The following CTCFL variants were observed in gnomAD, a reference collection of about 807,000 sequenced individuals.
CTCFL encodes transcriptional repressor CTCFL.
Under a neutral mutation model 67.4 loss-of-function variants are expected in CTCFL, and 36 were observed. The observed-to-expected ratio is 0.53, with a 90% confidence interval of 0.41 to 0.71. The LOEUF is 0.71. Among genes scored for constraint, CTCFL ranks in the 30% least tolerant of loss-of-function variants. The pLI is 0.00. For missense variants in CTCFL, 786 were observed against 835.2 expected, an observed-to-expected ratio of 0.94 and a Z score of 0.73; for synonymous variants, 324 against 302.3, an observed-to-expected ratio of 1.07 and a Z score of -0.75.
At chr20:57,523,344 T>A in intron 2 of CTCFL, 66 bp from the exon 3 acceptor site, 1 of 1,434,860 alleles carries the variant, frequency 7.0e-7, no homozygotes. Flanking sequence ...TTTGCCTGGA[T>A]GAAGCACAGA....
Position 57,503,770 on chromosome 20 carries a change from G to A in CTCFL, c.1675-169C>T, listed in dbSNP as rs537823137. On this transcript the variant is annotated intron_variant, in intron 9 of 10. Coordinates refer to ENST00000243914, the MANE Select transcript of CTCFL (RefSeq NM_001386993.1). ...AAGAAGTAAATAAGCAACTTGATAA[G>A]CAAGAAGGTAATAGGAGGCCAGGCA... Among the ~76,000 whole-genome samples the A allele has an allele frequency of 2.0e-5, 3 of 152,136 alleles. No individual in the cohort carries two copies. The East Asian group carries it at 5.8e-4, about 29-fold the overall frequency.
intron 9 of CTCFL, among the ~76,000 whole-genome samples, chr20:57,504,527 C>T (rs2068095096): frequency 6.6e-6 from 1 of 151,808 alleles, no homozygotes; most frequent in Non-Finnish European, 1.5e-5. Flanking sequence ...AGTGATCCAC[C>T]TGCCTTGGCC....
intron 5 of CTCFL, among the ~76,000 whole-genome samples, chr20:57,516,131 A>G (rs2068902660): frequency 1.3e-5 from 2 of 152,168 alleles, no homozygotes; most frequent in African/African-American, 2.4e-5. Context: ...GCCATACAAG[A>G]TTTTGTTTTC....
In CTCFL at chr20:57,523,125, C is replaced by T. The variant is rs200602115; in HGVS notation, c.697G>A (p.Ala233Thr). 44 of 1,613,910 alleles carry T rather than the reference C, an allele frequency of 2.7e-5. No homozygotes were observed. The highest frequency in any genetic ancestry group is 3.6e-5 in the Non-Finnish European group (42 of 1,180,028). Residue 233 changes from alanine (A) to threonine (T), a missense_variant, in exon 3 of 11, where the codon GCT becomes ACT. Coordinates refer to ENST00000243914, the MANE Select transcript of CTCFL (RefSeq NM_001386993.1). ...NVEEQEDQPTAGQADAEKAKS... is the reference protein window; with the variant it reads ...NVEEQEDQPTTGQADAEKAKS... ...GCCTTTTCAGCATCTGCTTGACCAG[C>T]TGTAGGTTGATCCTCTTGTTCTTCC...
At position 57,515,952 on chromosome 20, in the gene CTCFL, A is replaced by G. The variant is rs151260829; in HGVS notation, c.1060-118T>C. The G allele has an allele frequency of 6.2e-4, 720 of 1,164,308 alleles. 2 individuals are homozygous for G. In the African/African-American group the frequency reaches 0.011, roughly 17 times the overall value. 72.1% of individuals were successfully genotyped at this position (1,164,308 alleles called of 1,614,324 possible). A position where few individuals can be genotyped will look rare whatever the true frequency, so the allele number is the denominator to read the frequency against. Reference sequence around the variant, plus strand: ...TCATATTTTAACATCAGAGCACCAGAGCATATTTCACTCACTGAAAAAACA... The same window carrying G: ...TCATATTTTAACATCAGAGCACCAGGGCATATTTCACTCACTGAAAAAACA... On this transcript the variant is annotated intron_variant, in intron 5 of 10. Transcript: ENST00000243914.
intron 5 of CTCFL, among the ~76,000 whole-genome samples, chr20:57,516,107 CCTACCTGCCA>C (rs2068900537): frequency 6.6e-6 from 1 of 152,172 alleles, no homozygotes; most frequent in South Asian, 2.1e-4. Context: ...TCACTTTAAG[CCTACCTGCCA>C]AATGCCATAC....
intron 10 of CTCFL, chr20:57,500,333 T>A: frequency 6.8e-6 from 3 of 438,154 alleles, no homozygotes; most frequent in Non-Finnish European, 1.1e-5. Context: ...CGGGCATCTG[T>A]AATCCCAGCT....
At chr20:57,514,548 G>C in intron 7 of CTCFL, 44 bp downstream of exon 7, 2 of 1,605,568 alleles carry the variant, frequency 1.2e-6, no homozygotes, top group Non-Finnish European at 1.7e-6. Context: ...GCTCCAAAGA[G>C]CCAGCAAATG....
chr20:57,503,580 C>T lies in CTCFL; in HGVS notation c.1696G>A (p.Glu566Lys), dbSNP rs774776406. The change falls in exon 10 of 11, where the codon GAG becomes AAG. Residue 566 changes from glutamate to lysine, a missense_variant. Glu to Lys is a moderately conservative substitution (Grantham distance 56, BLOSUM62 1). This residue lies in a region of CTCFL where 199 missense variants were observed against 196.7 expected (regional missense o/e 1.01). Transcript: ENST00000243914. ...TTTGCTTCCCCTGATCCACACTTCTCCGAATGTCTGTGCAGGTTAATCTGT... is the reference window on the plus strand; with the variant it reads ...TTTGCTTCCCCTGATCCACACTTCTTCGAATGTCTGTGCAGGTTAATCTGT... Reference protein sequence around the residue: ...SRWINLHRHSEKCGSGEAKSA... With the variant: ...SRWINLHRHSKKCGSGEAKSA... 1 of 1,614,152 alleles carries T rather than the reference C, an allele frequency of 6.2e-7. No homozygotes were observed. The highest frequency in any genetic ancestry group is 8.5e-7 in the Non-Finnish European group (1 of 1,180,032).
At chr20:57,500,330 C>T in intron 10 of CTCFL, 1 of 460,678 alleles carries the variant, frequency 2.2e-6, no homozygotes, top group Non-Finnish European at 3.5e-6. Flanking sequence ...TGGCGGGCAT[C>T]TGTAATCCCA....
intron 8 of CTCFL, among the ~76,000 whole-genome samples, chr20:57,509,694 C>T (rs567085702): frequency 7.2e-5 from 11 of 152,274 alleles, no homozygotes; most frequent in South Asian, 6.2e-4. Flanking sequence ...AATATATATT[C>T]GGCCATTTCT....
rs2068229992 is a variant in CTCFL at position 57,506,798 on chromosome 20, C to T, written c.1674+1808G>A. The T allele has an allele frequency of 3.0e-6, 3 of 984,984 alleles. No individual in the cohort carries two copies. In the Admixed American group the frequency reaches 1.8e-4, roughly 61 times the overall value. The allele number at this position is 984,984 out of a possible 1,614,324, so 61.0% of individuals were successfully genotyped here. ...TCTTGCACCAAAGAGCAGTTTTTTT[C>T]TCTTTAGAATTCTACTCGTTAATTT... On this transcript the variant is annotated intron_variant, in intron 9 of 10. Transcript: ENST00000243914.
intron 6 of CTCFL, chr20:57,514,971 C>A: frequency 1.8e-6 from 1 of 548,462 alleles, no homozygotes; most frequent in Non-Finnish European, 3.2e-6. Context: ...CTGGTGGCTA[C>A]GCAAGAGTTC....
At chr20:57,513,819 G>T in intron 7 of CTCFL, 1 of 1,288,376 alleles carries the variant, frequency 7.8e-7, no homozygotes, top group Non-Finnish European at 1.0e-6. Flanking sequence ...GTATCACAGT[G>T]TCATATATTT....
At chr20:57,514,383 C>T (rs905890746) in intron 7 of CTCFL, among the ~76,000 whole-genome samples, 10 of 152,136 alleles carry the variant, frequency 6.6e-5, no homozygotes, top group Non-Finnish European at 1.3e-4. Context: ...AGGCCTGGGC[C>T]CGGATTCTAA....
Position 57,506,816 on chromosome 20 carries a change from GTTAATT to G in CTCFL, c.1674+1784_1674+1789del, listed in dbSNP as rs1165609838. On this transcript the variant is annotated intron_variant, in intron 9 of 10. Transcript: ENST00000243914. The stretch of plus-strand genomic sequence containing the variant: ...TTTTTTTCTCTTTAGAATTCTACTC[GTTAATT>G]TTAACTCTTCACAATTTTTGCATGA... 6.1e-6 allele frequency: 6 copies of G among 984,662 alleles called. No homozygotes were observed. The African/African-American group carries it at 7.0e-5, about 11-fold the overall frequency. 61.0% of individuals were successfully genotyped at this position (984,662 alleles called of 1,614,324 possible).
chr20:57,521,664 A>G (rs1261168832), intron 3 of CTCFL, among the ~76,000 whole-genome samples: 1 of 152,252 alleles, frequency 6.6e-6, no homozygotes, highest in Non-Finnish European at 1.5e-5. Flanking sequence ...AGGTGGACAC[A>G]ATTGCAGTGT....
At chr20:57,518,477 T>A in intron 5 of CTCFL, 1 of 1,378,368 alleles carries the variant, frequency 7.3e-7, no homozygotes. Context: ...ATGCAGAACT[T>A]TTAAACAAAT....
chr20:57,496,459 T>C, downstream of CTCFL: 1 of 448,190 alleles, frequency 2.2e-6, no homozygotes, highest in South Asian at 5.0e-5. Flanking sequence ...ACATAAAATT[T>C]ACCATTTTAG....
Sources: allele counts gnomAD v4.1 joint callset (sites outside exome capture counted in the v4.1 genomes callset), GRCh38; gene constraint gnomAD v4.1.1; regional missense constraint gnomAD v4.1.1; transcripts MANE v1.5; gene names NCBI Gene and HGNC (gene_info 2026-07-23, HGNC 2026-07-21).